Variants in CAPN3 observed in about 807,000 individuals in gnomAD.
CAPN3 encodes the protein calpain 3.
Under a neutral mutation model 114.0 loss-of-function variants are expected in CAPN3, and 88 were observed. The observed-to-expected ratio is 0.77, with a 90% confidence interval of 0.65 to 0.92. The LOEUF (loss-of-function observed/expected upper bound fraction) is 0.92. CAPN3 is among the 40% of genes least tolerant of loss of function. The probability of loss-of-function intolerance (pLI) is 0.00; values close to 1 mark genes in which losing one functional copy is unlikely to be tolerated. For missense variants in CAPN3, 1,028 were observed against 1,069.0 expected (o/e 0.96, Z 0.53); for synonymous variants, 386 against 382.9 (o/e 1.01, Z -0.09).
chr15:42,365,494 G>A (rs1244371598), intron 1 of CAPN3, among the ~76,000 whole-genome samples: 2 of 152,108 alleles, frequency 1.3e-5, no homozygotes, highest in African/African-American at 4.8e-5. Flanking sequence ...GGAGTTGGGG[G>A]AGCTTGCCAC....
intron 9 of CAPN3, among the ~76,000 whole-genome samples, chr15:42,398,243 CT>C (rs1281949186): frequency 1.3e-5 from 2 of 151,958 alleles, no homozygotes; most frequent in Non-Finnish European, 2.9e-5. Context: ...AAATATGTAT[CT>C]TTTCTTTGTG....
chr15:42,388,728 G>A (rs1363914886), intron 4 of CAPN3, among the ~76,000 whole-genome samples, 200 bp from the exon 5 acceptor site: 1 of 152,062 alleles, frequency 6.6e-6, no homozygotes, highest in African/African-American at 2.4e-5. Flanking sequence ...TCTTGGGTGG[G>A]TCACTTAGCC....
At chr15:42,385,557 G>C (rs760674286) in intron 2 of CAPN3, 11 of 436,896 alleles carry the variant, frequency 2.5e-5, no homozygotes, top group Admixed American at 2.3e-4. Context: ...GAGAGAGAGA[G>C]AGAAAGAGAG....
Position 42,402,811 on chromosome 15 carries a change from G to A in CAPN3, c.1554G>A (p.Gln518=), listed in dbSNP as rs754289683. 3.1e-6 allele frequency: 5 copies of A among 1,614,164 alleles called. No homozygotes were observed. The highest frequency in any genetic ancestry group is 4.2e-6 in the Non-Finnish European group (5 of 1,179,996). Residue 518 remains glutamine (Q), a synonymous_variant, in exon 13 of 24, where the codon CAG becomes CAA. Transcript: ENST00000397163. ...TCTCTCAGATGCACGGGAACAAGCA[G>A]CACCTGCAGAAGGACTTCTTCCTGT... ...EVPKEMHGNK[Q]HLQKDFFLYN...
chr15:42,408,637 A>G (rs1429743011), intron 16 of CAPN3: 2 of 387,184 alleles, frequency 5.2e-6, no homozygotes, highest in African/African-American at 2.1e-5. Flanking sequence ...CGGAGGCGCA[A>G]CTCTTGTCTC....
intron 1 of CAPN3, among the ~76,000 whole-genome samples, chr15:42,372,278 G>A (rs2052971117): frequency 6.6e-6 from 1 of 152,018 alleles, no homozygotes; most frequent in South Asian, 2.1e-4. Flanking sequence ...TCCTGCCTCA[G>A]CCTCCCAAGT....
chr15:42,386,908 G>A (rs535911526), intron 3 of CAPN3, among the ~76,000 whole-genome samples: 1 of 152,228 alleles, frequency 6.6e-6, no homozygotes, highest in African/African-American at 2.4e-5. Flanking sequence ...TAGCTTCCGG[G>A]ATGCTGGGGA....
intron 1 of CAPN3, among the ~76,000 whole-genome samples, chr15:42,375,092 A>T (rs1315235746): frequency 6.6e-6 from 1 of 151,516 alleles, no homozygotes; most frequent in African/African-American, 2.4e-5. Context: ...CGGCTCAAGC[A>T]ATCCTCTTGC....
At chr15:42,364,507 A>G (rs868315661) in intron 1 of CAPN3, among the ~76,000 whole-genome samples, 1 of 152,210 alleles carries the variant, frequency 6.6e-6, no homozygotes, top group African/African-American at 2.4e-5. Context: ...TAGCTACAGC[A>G]ATGTGTTTGA....
Position 42,402,791 on chromosome 15 carries a change from C to G in CAPN3, c.1537-3C>G, listed in dbSNP as rs187600280. On this transcript the variant is annotated splice_region_variant and splice_polypyrimidine_tract_variant and intron_variant, in intron 12 of 23. Transcript: ENST00000397163. ...TGTGCCCTGGGCTCTCCCCATCTCTCAGATGCACGGGAACAAGCAGCACCT... is the reference window on the plus strand; with the variant it reads ...TGTGCCCTGGGCTCTCCCCATCTCTGAGATGCACGGGAACAAGCAGCACCT... 17 of 1,614,068 alleles carry G rather than the reference C, an allele frequency of 1.1e-5. No homozygotes were observed. Among genetic ancestry groups the G allele is most frequent in the Non-Finnish European group, 1.4e-5 (17 of 1,179,932 alleles).
Position 42,359,584 on chromosome 15 carries a change from C to T in CAPN3, c.-222C>T. 7.1e-7 allele frequency: 1 copy of T among 1,409,454 alleles called. No individual in the cohort carries two copies. The highest frequency in any genetic ancestry group is 2.6e-4 in the Middle Eastern group (1 of 3,788). 87.3% of individuals were successfully genotyped at this position (1,409,454 alleles called of 1,614,324 possible). On this transcript the variant is annotated 5_prime_UTR_variant, in exon 1 of 24. Transcript: ENST00000397163. Reference sequence around the variant, plus strand: ...ATTGCTTCAGAAATCCTTTAGCACTCATTTCTCAGGAGAACTTATGGCTTC... The same window carrying T: ...ATTGCTTCAGAAATCCTTTAGCACTTATTTCTCAGGAGAACTTATGGCTTC...
chr15:42,386,869 C>T (rs988054835), intron 3 of CAPN3, among the ~76,000 whole-genome samples: 5 of 152,164 alleles, frequency 3.3e-5, no homozygotes, highest in Admixed American at 3.3e-4. Context: ...AGAGCAGAAC[C>T]AAACTGAATT....
chr15:42,370,391 G>A (rs1416749488), intron 1 of CAPN3, among the ~76,000 whole-genome samples: 1 of 152,206 alleles, frequency 6.6e-6, no homozygotes. Flanking sequence ...TGAGAAGAGA[G>A]GGAGGGGGCT....
chr15:42,360,637 G>A (rs2052617700), intron 1 of CAPN3, among the ~76,000 whole-genome samples: 1 of 152,142 alleles, frequency 6.6e-6, no homozygotes, highest in Non-Finnish European at 1.5e-5. Context: ...ATTTTTTCAT[G>A]CATAAAATGT....
intron 1 of CAPN3, among the ~76,000 whole-genome samples, chr15:42,369,760 G>A (rs187079144): frequency 2.0e-5 from 3 of 152,028 alleles, no homozygotes; most frequent in Admixed American, 6.5e-5. Context: ...AAGAAACCCA[G>A]TTCCTTTGGT....
intron 7 of CAPN3, 135 bp downstream of exon 7, chr15:42,392,857 C>A: frequency 1.5e-6 from 1 of 671,806 alleles, no homozygotes; most frequent in Non-Finnish European, 2.7e-6. Flanking sequence ...AAGGTCCAAG[C>A]CACGCCTGGG....
chr15:42,375,066 C>A (rs1209848503), intron 1 of CAPN3, among the ~76,000 whole-genome samples: 5 of 150,562 alleles, frequency 3.3e-5, no homozygotes, highest in Admixed American at 2.7e-4. Flanking sequence ...GTTGCCCAGG[C>A]TGGTCTCAAA....
At chr15:42,410,066 C>A in intron 19 of CAPN3, 71 bp downstream of exon 19, 1 of 1,407,066 alleles carries the variant, frequency 7.1e-7, no homozygotes, top group Non-Finnish European at 1.0e-6. Flanking sequence ...ATACAGGGTG[C>A]CCAGTCAGGC....
At chr15:42,403,856 G>A in intron 14 of CAPN3, 79 bp downstream of exon 14, 3 of 1,266,978 alleles carry the variant, frequency 2.4e-6, no homozygotes, top group Non-Finnish European at 3.5e-6. Flanking sequence ...TGGTGCAGGG[G>A]AGAATGGGCA....
Sources: allele counts gnomAD v4.1 joint callset (sites outside exome capture counted in the v4.1 genomes callset), GRCh38; gene constraint gnomAD v4.1.1; transcripts MANE v1.5; gene names NCBI Gene and HGNC (gene_info 2026-07-23, HGNC 2026-07-21).